The following RASA3 variants were observed in gnomAD, a reference collection of about 807,000 sequenced individuals.
The protein encoded by RASA3 is RAS p21 protein activator 3, also known as ras GTPase-activating protein 3.
Under a neutral mutation model 110.0 loss-of-function variants are expected in RASA3, and 73 were observed. The observed-to-expected ratio is 0.66, with a 90% CI of 0.55 to 0.81. The LOEUF (loss-of-function observed/expected upper bound fraction) is 0.81, where lower values mean the gene tolerates loss of function less well. RASA3 is among the 30% of genes least tolerant of loss of function. The probability of loss-of-function intolerance (pLI) is 0.00; values close to 1 mark genes in which losing one functional copy is unlikely to be tolerated. For synonymous variants in RASA3, 500 were observed against 451.4 expected, an observed-to-expected ratio of 1.11 and a Z score of -1.37; for missense variants, 976 against 1,113.2, an observed-to-expected ratio of 0.88 and a Z score of 1.75.
chr13:114,040,089 T>C (rs1368501394), intron 4 of RASA3, among the ~76,000 whole-genome samples: 1 of 152,274 alleles, frequency 6.6e-6, no homozygotes, highest in African/African-American at 2.4e-5. Flanking sequence ...GTGCCTGTCC[T>C]TTCCCACCGT....
intron 4 of RASA3, among the ~76,000 whole-genome samples, chr13:114,034,083 C>T (rs910790996): frequency 6.6e-6 from 1 of 152,136 alleles, no homozygotes; most frequent in African/African-American, 2.4e-5. Context: ...GAACACCAGC[C>T]GGGCAGTGGG....
chr13:114,042,850 G>A (rs2054442559), intron 3 of RASA3, among the ~76,000 whole-genome samples: 1 of 152,182 alleles, frequency 6.6e-6, no homozygotes, highest in Non-Finnish European at 1.5e-5. Flanking sequence ...TGCCATCTCA[G>A]TCGGTCCTGC....
At chr13:114,072,059 G>A (rs963892070) in intron 2 of RASA3, among the ~76,000 whole-genome samples, 5 of 151,976 alleles carry the variant, frequency 3.3e-5, no homozygotes, top group African/African-American at 9.7e-5. Context: ...ACAGCTACAC[G>A]GACATCTTCT....
chr13:114,037,455 G>C (rs2054299319), intron 4 of RASA3, among the ~76,000 whole-genome samples: 2 of 152,282 alleles, frequency 1.3e-5, no homozygotes, highest in Middle Eastern at 3.4e-3. Flanking sequence ...GGAGTGGCCT[G>C]CGTCAGAGAC....
intron 4 of RASA3, among the ~76,000 whole-genome samples, chr13:114,040,011 G>A (rs563959647): frequency 1.3e-5 from 2 of 152,380 alleles, no homozygotes; most frequent in African/African-American, 4.8e-5. Context: ...GGGGAAGTGA[G>A]GGTCCCTGAG....
intron 2 of RASA3, among the ~76,000 whole-genome samples, chr13:114,071,836 G>A (rs1244434072): frequency 2.0e-5 from 3 of 152,200 alleles, no homozygotes; most frequent in Non-Finnish European, 4.4e-5. Context: ...TTTCTAGTAA[G>A]TAAACTCACC....
chr13:114,077,871 C>T (rs2079718635), intron 1 of RASA3: 1 of 983,756 alleles, frequency 1.0e-6, no homozygotes, highest in Admixed American at 6.2e-5. Context: ...TGCTATGATG[C>T]ATTTAATAAA....
At chr13:113,990,890 G>A (rs2053094407) in intron 22 of RASA3, among the ~76,000 whole-genome samples, 1 of 152,262 alleles carries the variant, frequency 6.6e-6, no homozygotes, top group Non-Finnish European at 1.5e-5. Flanking sequence ...ACATGTGTAT[G>A]TGCCTGTGTG....
chr13:114,053,038 TGGCTCCTGGGGAAGAGACCCC>T (rs879582033), intron 2 of RASA3, among the ~76,000 whole-genome samples: 40 of 143,954 alleles, frequency 2.8e-4, no homozygotes, highest in African/African-American at 5.3e-4. Context: ...CTTAGAGTCC[TGGCTCCTGGGGAAGAGACCCC>T]CACTGCTGAC....
intron 21 of RASA3, among the ~76,000 whole-genome samples, chr13:113,994,422 G>T (rs2053187856): frequency 6.6e-6 from 1 of 152,180 alleles, no homozygotes; most frequent in South Asian, 2.1e-4. Flanking sequence ...AAACTTTGCA[G>T]TGAGAGCTTA....
rs535653691 is a variant in RASA3, at chr13:114,027,780, G to A, written c.530+67C>T. The stretch of plus-strand genomic sequence containing the variant: ...TCCTCCCAAATGAGGCAGTGGTCTC[G>A]TGATTTCAGAGCTGGACCCTAGCCC... On this transcript the variant is annotated intron_variant, in intron 6 of 23. Coordinates refer to ENST00000334062, the MANE Select transcript of RASA3 (RefSeq NM_007368.4). 8.7e-5 allele frequency: 130 copies of A among 1,499,678 alleles called. No homozygotes were observed. The East Asian group carries it at 2.0e-3, about 23-fold the overall frequency. The allele number at this position is 1,499,678 out of a possible 1,614,324, so 92.9% of individuals were successfully genotyped here. A position where few individuals can be genotyped will look rare whatever the true frequency, so the allele number is the denominator to read the frequency against.
Position 113,996,528 on chromosome 13 carries a change from T to C in RASA3, c.2141+3A>G, listed in dbSNP as rs752295792. ...CGAGCTGGGCACCGAGGCACAGACC[T>C]ACCCAGTGCAGGGCGAGCAGCCCGG... On this transcript the variant is annotated splice_donor_region_variant and intron_variant, in intron 21 of 23. Coordinates refer to ENST00000334062, the MANE Select transcript of RASA3 (RefSeq NM_007368.4). The C allele has an allele frequency of 5.0e-6, 8 of 1,611,388 alleles. No individual in the cohort carries two copies. The highest frequency in any genetic ancestry group is 2.5e-6 in the Non-Finnish European group (3 of 1,179,504).
intron 16 of RASA3, 52 bp from the exon 17 acceptor site, chr13:114,009,516 G>A (rs1476725566): frequency 1.1e-5 from 13 of 1,203,828 alleles, no homozygotes; most frequent in East Asian, 4.6e-5. Context: ...CTCGGCTCAC[G>A]GCCCAAATCT....
chr13:113,988,889 AC>A (rs1377851307), intron 22 of RASA3, among the ~76,000 whole-genome samples: 1 of 141,780 alleles, frequency 7.1e-6, no homozygotes, highest in African/African-American at 2.7e-5. Context: ...CCCATCACTC[AC>A]CCATCTGTCC....
chr13:114,088,063 G>A (rs1351966936), intron 1 of RASA3, among the ~76,000 whole-genome samples: 1 of 152,082 alleles, frequency 6.6e-6, no homozygotes, highest in Non-Finnish European at 1.5e-5. Context: ...CCCAGGAGGT[G>A]GAGGTTGCAG....
rs1273291230 is a variant in RASA3, at chr13:113,979,419, C to A, written c.2433G>T (p.Glu811Asp). 3.1e-6 allele frequency: 5 copies of A among 1,598,410 alleles called. No homozygotes were observed. The highest frequency in any genetic ancestry group is 4.3e-6 in the Non-Finnish European group (5 of 1,165,976). The part of the protein sequence containing the change: ...KFKKTKYGSQ[E>D]HPIGDKSFQN... ...GGAAGCTCTTGTCTCCGATGGGGTG[C>A]TCCCTGAAAAGGGGGATGGGAGAGG... Residue 811 changes from glutamate to aspartate, a missense_variant, in exon 24 of 24, where the codon GAG (glutamate) becomes GAT (aspartate). Around this residue, in one of 4 missense-constraint regions of RASA3, gnomAD observed 132 missense variants for 152.8 expected, o/e 0.86. Coordinates refer to ENST00000334062, the MANE Select transcript of RASA3 (RefSeq NM_007368.4).
Position 114,056,092 on chromosome 13 carries a change from C to T in RASA3, c.174-3937G>A, listed in dbSNP as rs9525360. ...CGCGTCACCGTTTCCCGAGAGCCCC[C>T]CGCCCCCGCACAGGCACTGAGGACC... On this transcript the variant is annotated intron_variant, in intron 2 of 23. Transcript: ENST00000334062. The surrounding 1 kb of genome is among the most constrained non-coding windows in gnomAD (Gnocchi z 5.7). Among the ~76,000 whole-genome samples, 20,567 of 152,196 alleles carry T rather than the reference C, an allele frequency of 0.14. 1,784 individuals are homozygous for T. Among genetic ancestry groups the T allele is most frequent in the Middle Eastern group, 0.21 (62 of 294 alleles).
chr13:114,125,752 C>T (rs2080438195), intron 1 of RASA3, among the ~76,000 whole-genome samples: 1 of 152,156 alleles, frequency 6.6e-6, no homozygotes. Context: ...GGTTGCACGG[C>T]AAGCCCCTCC....
intron 1 of RASA3, among the ~76,000 whole-genome samples, chr13:114,111,909 C>T (rs957278009): frequency 1.3e-5 from 2 of 152,126 alleles, no homozygotes; most frequent in African/African-American, 2.4e-5. Flanking sequence ...GGGTTGGGGC[C>T]CATCAACTTA....
Sources: gnomAD v4.1 joint callset for allele counts (sites outside exome capture counted in the v4.1 genomes callset) on GRCh38, gnomAD v4.1.1 for gene constraint, gnomAD v4.1.1 regional missense constraint, Gnocchi (gnomAD v3.1) non-coding constraint, MANE v1.5 for transcripts, NCBI Gene and HGNC (gene_info 2026-07-23, HGNC 2026-07-21) for gene names.